Variants in THSD4 observed in about 807,000 individuals in gnomAD.
THSD4 encodes thrombospondin type 1 domain containing 4, also known as thrombospondin type-1 domain-containing protein 4.
A neutral mutation model predicts 119.0 loss-of-function variants in THSD4; 69 were observed. The ratio of observed to expected loss-of-function variants is 0.58; its 90% confidence interval spans 0.48 to 0.71. THSD4 has a LOEUF of 0.71. Ranked by LOEUF, THSD4 falls within the 30% of genes least tolerant of loss-of-function variation. THSD4 has a pLI of 0.00. For synonymous variants in THSD4, 524 were observed against 540.4 expected, an observed-to-expected ratio of 0.97 and a Z score of 0.42; for missense variants, 1,393 against 1,391.1, an observed-to-expected ratio of 1.00 and a Z score of -0.02.
At chr15:71,261,062 A>G (rs1448919547) in intron 6 of THSD4, among the ~76,000 whole-genome samples, 2 of 152,312 alleles carry the variant, frequency 1.3e-5, no homozygotes, top group South Asian at 2.1e-4. Flanking sequence ...AGATGGCACC[A>G]TTGCACTCCA....
intron 1 of THSD4, among the ~76,000 whole-genome samples, chr15:71,121,633 C>T (rs1234784195): frequency 6.6e-6 from 1 of 152,154 alleles, no homozygotes; most frequent in Non-Finnish European, 1.5e-5. Flanking sequence ...GCTAGGTTGT[C>T]AGACTACTTG....
chr15:71,111,541 T>G, upstream of THSD4: 1 of 746,142 alleles, frequency 1.3e-6, no homozygotes, highest in South Asian at 1.9e-5. Context: ...TCAAAGTGTT[T>G]TGTTTTGTTT....
intron 7 of THSD4, among the ~76,000 whole-genome samples, chr15:71,564,183 A>G (rs1380455833): frequency 6.6e-6 from 1 of 152,154 alleles, no homozygotes; most frequent in Admixed American, 6.5e-5. Flanking sequence ...AAGATGCCCT[A>G]TTCCTGCTAT....
intron 7 of THSD4, among the ~76,000 whole-genome samples, chr15:71,546,425 A>G (rs1290682482): frequency 6.6e-6 from 1 of 152,212 alleles, no homozygotes; most frequent in Non-Finnish European, 1.5e-5. Flanking sequence ...AGTGCATTGT[A>G]GGCTTTAGGA....
intron 10 of THSD4, chr15:71,734,048 A>G (rs1446655298): frequency 6.6e-6 from 1 of 151,926 alleles, no homozygotes; most frequent in Non-Finnish European, 1.5e-5. Context: ...GGCTCAAGCA[A>G]TCCTCCTGCC....
chr15:71,433,196 T>G (rs1164097784), intron 7 of THSD4, among the ~76,000 whole-genome samples: 1 of 151,538 alleles, frequency 6.6e-6, no homozygotes, highest in Non-Finnish European at 1.5e-5. Context: ...CAAAAGTATG[T>G]AAGCTTAAAC....
chr15:71,141,603 G>A (rs375935438), intron 2 of THSD4, 47 bp downstream of exon 2: 33 of 1,568,228 alleles, frequency 2.1e-5, no homozygotes, highest in Admixed American at 2.0e-4. Flanking sequence ...TAAGAAATTT[G>A]ATATTTGCAT....
chr15:71,345,840 A>G (rs1235981840), intron 6 of THSD4, among the ~76,000 whole-genome samples: 1 of 151,204 alleles, frequency 6.6e-6, no homozygotes, highest in Non-Finnish European at 1.5e-5. Context: ...TCTCAAACTT[A>G]TATGGTAGTT....
intron 6 of THSD4, among the ~76,000 whole-genome samples, chr15:71,347,432 A>G (rs1395411614): frequency 6.6e-6 from 1 of 152,136 alleles, no homozygotes; most frequent in Admixed American, 6.5e-5. Context: ...TCTCCCTTGC[A>G]TGGCTGCTGA....
chr15:71,660,834 G>A (rs1008528189), intron 8 of THSD4, 100 bp downstream of exon 8: 9 of 1,354,758 alleles, frequency 6.6e-6, no homozygotes, highest in Non-Finnish European at 9.2e-6. Context: ...AGAGTCCCGG[G>A]GCATGCAGGC....
chr15:71,780,557 T>A lies in THSD4; in HGVS notation c.*3183T>A, dbSNP rs2053981749. On this transcript the variant is annotated 3_prime_UTR_variant, in exon 18 of 18. Transcript: ENST00000261862. ...ACACCAAAAGAAAAAAAAAAGCCAT[T>A]TAAAGCCAGCCACTAGAGGGAGTCA... 1 of 345,096 alleles carries A rather than the reference T, an allele frequency of 2.9e-6. No individual in the cohort carries two copies. The highest frequency in any genetic ancestry group is 2.2e-5 in the African/African-American group (1 of 46,426). 21.4% of individuals were successfully genotyped at this position (345,096 alleles called of 1,614,324 possible).
In THSD4 at chr15:71,330,931, C is replaced by T. The variant is rs557294197; in HGVS notation, c.1015+74216C>T. Reference sequence around the variant, plus strand: ...GGTTTGAGTGACATGGACACTAACCCGTTTACCGGGTGCCACTGGCGATCT... The same window carrying T: ...GGTTTGAGTGACATGGACACTAACCTGTTTACCGGGTGCCACTGGCGATCT... On this transcript the variant is annotated intron_variant, in intron 6 of 17. Transcript: ENST00000261862. Among the ~76,000 whole-genome samples the T allele has an allele frequency of 7.2e-5, 11 of 152,330 alleles. No individual in the cohort carries two copies. In the East Asian group the frequency reaches 1.5e-3, roughly 21 times the overall value.
intron 3 of THSD4, among the ~76,000 whole-genome samples, chr15:71,182,157 T>A (rs2043536879): frequency 6.8e-6 from 1 of 147,844 alleles, no homozygotes; most frequent in South Asian, 2.2e-4. Flanking sequence ...ATTTAATCAC[T>A]ACTAAGTTCA....
intron 6 of THSD4, among the ~76,000 whole-genome samples, chr15:71,395,360 C>G (rs1163401067): frequency 2.6e-5 from 4 of 152,136 alleles, no homozygotes; most frequent in East Asian, 3.9e-4. Flanking sequence ...TCCACTGCCC[C>G]CCAGGTGCAA....
chr15:71,240,809 A>G (rs1185232388), intron 4 of THSD4, among the ~76,000 whole-genome samples: 1 of 137,880 alleles, frequency 7.3e-6, no homozygotes, highest in African/African-American at 2.7e-5. Flanking sequence ...ACACACACAC[A>G]CACACACACA....
intron 6 of THSD4, among the ~76,000 whole-genome samples, chr15:71,387,427 A>C (rs1456121931): frequency 2.6e-5 from 4 of 152,178 alleles, no homozygotes; most frequent in African/African-American, 9.7e-5. Flanking sequence ...TCATTTTTTT[A>C]TAATTTGTTT....
chr15:71,547,350 T>C, intron 7 of THSD4: 1 of 1,546,836 alleles, frequency 6.5e-7, no homozygotes. Flanking sequence ...GTGCATCTGC[T>C]AGCTGTTAGC....
chr15:71,731,374 G>C (rs888109660), intron 10 of THSD4, 157 bp downstream of exon 10: 6 of 674,740 alleles, frequency 8.9e-6, no homozygotes, highest in Non-Finnish European at 1.5e-5. Context: ...ATTGGAGCAG[G>C]CTTCACCATT....
chr15:71,733,643 G>A (rs2053024825), intron 10 of THSD4: 1 of 151,982 alleles, frequency 6.6e-6, no homozygotes, highest in Admixed American at 6.6e-5. Context: ...TGAGAGGTCT[G>A]GTGCAGTGGA....
Sources: gnomAD v4.1 joint callset for allele counts (sites outside exome capture counted in the v4.1 genomes callset) on GRCh38, gnomAD v4.1.1 for gene constraint, MANE v1.5 for transcripts, NCBI Gene and HGNC (gene_info 2026-07-23, HGNC 2026-07-21) for gene names.